The following GATA4 variants were observed in gnomAD, a reference collection of about 807,000 sequenced individuals.
The protein encoded by GATA4 is transcription factor GATA-4.
A neutral mutation model predicts 37.9 loss-of-function variants in GATA4; 7 were observed. That is an observed-to-expected ratio of 0.18 (90% CI 0.11 to 0.35). The LOEUF is 0.35. GATA4 is among the 10% of genes least tolerant of loss of function. The pLI is 1.00. For missense variants in GATA4, 647 were observed against 653.0 expected (o/e 0.99, Z 0.10); for synonymous variants, 372 against 292.6 (o/e 1.27, Z -2.77).
At chr8:11,696,857 C>T (rs1007092802) in intron 1 of GATA4, among the ~76,000 whole-genome samples, 11 of 152,256 alleles carry the variant, frequency 7.2e-5, no homozygotes, top group African/African-American at 2.7e-4. Context: ...CTTTCATTTA[C>T]TCTACCTGTT....
At chr8:11,744,091 G>C (rs1801907081) in intron 2 of GATA4, among the ~76,000 whole-genome samples, 1 of 152,172 alleles carries the variant, frequency 6.6e-6, no homozygotes, top group Non-Finnish European at 1.5e-5. Flanking sequence ...TCTCAAACCT[G>C]ACCGCTGAGA....
At chr8:11,734,940 T>C (rs1367546372) in intron 2 of GATA4, among the ~76,000 whole-genome samples, 1 of 152,232 alleles carries the variant, frequency 6.6e-6, no homozygotes, top group Non-Finnish European at 1.5e-5. Context: ...GTTTAGTCCA[T>C]AACCATAAAG....
intron 2 of GATA4, among the ~76,000 whole-genome samples, chr8:11,732,615 A>T (rs982654554): frequency 6.6e-6 from 1 of 152,220 alleles, no homozygotes; most frequent in African/African-American, 2.4e-5. Context: ...AGATTCATGA[A>T]CACGTCAGGT....
chr8:11,697,597 C>T (rs1167076526), intron 1 of GATA4: 1 of 985,328 alleles, frequency 1.0e-6, no homozygotes. Context: ...TCCTCGCCTG[C>T]GCCGAGGATG....
At chr8:11,754,949 T>C in intron 4 of GATA4, 97 bp from the exon 5 acceptor site, 1 of 906,102 alleles carries the variant, frequency 1.1e-6, no homozygotes, top group Non-Finnish European at 1.8e-6. Context: ...GAGAGATTGC[T>C]TAGGTGTTGC....
At chr8:11,691,206 C>T (rs544613114), upstream of GATA4, among the ~76,000 whole-genome samples, 31 of 152,338 alleles carry the variant, frequency 2.0e-4, no homozygotes, top group African/African-American at 6.3e-4. Flanking sequence ...CAATCCAAGC[C>T]TTTTATTTTG....
chr8:11,692,102 G>T (rs1799331914), upstream of GATA4: 4 of 952,130 alleles, frequency 4.2e-6, no homozygotes, highest in Admixed American at 6.2e-5. Context: ...GACAGGTGAG[G>T]CAGGCAGGAG....
upstream of GATA4, chr8:11,704,126 C>G (rs1399838104): frequency 2.0e-5 from 3 of 152,386 alleles, no homozygotes; most frequent in Non-Finnish European, 4.4e-5. Flanking sequence ...CCCCGCCCCG[C>G]CCTTGCACGT....
chr8:11,701,424 C>T (rs1047121438), upstream of GATA4, among the ~76,000 whole-genome samples: 1 of 152,096 alleles, frequency 6.6e-6, no homozygotes. Flanking sequence ...CCACCCGCTG[C>T]CCCCCTTCCC....
At chr8:11,728,843 C>T (rs1251877449) in intron 2 of GATA4, among the ~76,000 whole-genome samples, 1 of 152,198 alleles carries the variant, frequency 6.6e-6, no homozygotes, top group African/African-American at 2.4e-5. Flanking sequence ...GACCCCATAT[C>T]CAACTTACTG....
intron 2 of GATA4, among the ~76,000 whole-genome samples, chr8:11,741,688 T>C (rs1801747943): frequency 2.0e-5 from 3 of 152,188 alleles, no homozygotes; most frequent in Non-Finnish European, 4.4e-5. Context: ...TTCTCGAAGG[T>C]CTCAAAATCT....
intron 4 of GATA4, among the ~76,000 whole-genome samples, chr8:11,753,916 G>T (rs1270868100): frequency 1.2e-3 from 180 of 152,312 alleles, no homozygotes; most frequent in Non-Finnish European, 1.3e-3. Flanking sequence ...ATGTGGGGAA[G>T]GCACCCTGCA....
intron 6 of GATA4, among the ~76,000 whole-genome samples, chr8:11,757,463 G>T (rs138614357): frequency 6.6e-6 from 1 of 152,200 alleles, no homozygotes; most frequent in South Asian, 2.1e-4. Flanking sequence ...ATGAGACTGC[G>T]TGCTGGGGCG....
intron 1 of GATA4, chr8:11,681,015 A>G (rs1483795062): frequency 6.4e-6 from 6 of 942,512 alleles, no homozygotes; most frequent in South Asian, 4.9e-5. Context: ...CCCGAATCCC[A>G]TACCCCAGGC....
In GATA4 at chr8:11,697,604, G is replaced by C. The variant is rs544566962; in HGVS notation, c.-728-2904G>C. The C allele has an allele frequency of 1.9e-3, 1,909 of 985,436 alleles. 5 individuals carry two copies. Among genetic ancestry groups the C allele is most frequent in the Non-Finnish European group, 2.2e-3 (1,815 of 829,928 alleles). 61.0% of individuals were successfully genotyped at this position (985,436 alleles called of 1,614,324 possible). On this transcript the variant is annotated intron_variant, in intron 1 of 2. Coordinates refer to the GATA4 transcript ENST00000526974. ...TGAAGGGGTCCTCGCCTGCGCCGAG[G>C]ATGGCCGGACGGCCGGGCCTCCGGC...
intron 2 of GATA4, among the ~76,000 whole-genome samples, chr8:11,739,444 C>T (rs1585662800): frequency 3.3e-5 from 5 of 152,056 alleles, no homozygotes; most frequent in African/African-American, 1.2e-4. Context: ...CAAGAGTGGG[C>T]TGGCTTTTAG....
At chr8:11,681,811 C>A (rs957456487) in intron 1 of GATA4, among the ~76,000 whole-genome samples, 2 of 152,136 alleles carry the variant, frequency 1.3e-5, no homozygotes. Context: ...TCTTCTTTCC[C>A]GCTGTTCTTG....
intron 1 of GATA4, chr8:11,697,928 G>T (rs1799553902): frequency 3.0e-6 from 3 of 985,494 alleles, no homozygotes; most frequent in Middle Eastern, 5.2e-4. Flanking sequence ...GTCCCCTGAT[G>T]TGCGCGTTGA....
At chr8:11,747,153 T>C (rs1802072449) in intron 2 of GATA4, among the ~76,000 whole-genome samples, 1 of 152,248 alleles carries the variant, frequency 6.6e-6, no homozygotes, top group Non-Finnish European at 1.5e-5. Context: ...CCCTTGCCTC[T>C]GGCAGCAGCA....
Sources: gnomAD v4.1 joint callset for allele counts (sites outside exome capture counted in the v4.1 genomes callset) on GRCh38, gnomAD v4.1.1 for gene constraint, MANE v1.5 for transcripts, NCBI Gene and HGNC (gene_info 2026-07-23, HGNC 2026-07-21) for gene names.